The following KCNB2 variants were observed in gnomAD, a reference collection of about 807,000 sequenced individuals.
KCNB2 encodes the protein potassium voltage-gated channel subfamily B member 2.
KCNB2 carries 15 observed loss-of-function variants against 61.5 expected under a neutral mutation model. The ratio of observed to expected loss-of-function variants is 0.24; its 90% CI spans 0.16 to 0.38. KCNB2 has a LOEUF of 0.38. Among genes scored for constraint, KCNB2 ranks in the 10% least tolerant of loss-of-function variants. The pLI is 1.00. For missense variants in KCNB2, 828 were observed against 1,125.2 expected (o/e 0.74, Z 3.78); for synonymous variants, 457 against 446.0 (o/e 1.02, Z -0.31).
At chr8:72,916,907 C>G (rs1237290359) in intron 2 of KCNB2, among the ~76,000 whole-genome samples, 1 of 152,194 alleles carries the variant, frequency 6.6e-6, no homozygotes, top group Non-Finnish European at 1.5e-5. Context: ...CTTCTCCTCT[C>G]TCTGTCAGCT....
At chr8:72,584,537 A>G (rs1178726508) in intron 2 of KCNB2, among the ~76,000 whole-genome samples, 2 of 152,194 alleles carry the variant, frequency 1.3e-5, no homozygotes, top group Admixed American at 1.3e-4. Flanking sequence ...AATAGCAGTC[A>G]TGATTTATAG....
intron 2 of KCNB2, among the ~76,000 whole-genome samples, chr8:72,597,110 G>A (rs1014045595): frequency 2.9e-5 from 4 of 139,288 alleles, no homozygotes; most frequent in Admixed American, 7.8e-5. Flanking sequence ...TGCAACATTC[G>A]CCTCCTGGGT....
chr8:72,793,998 T>A (rs1216046560), intron 2 of KCNB2, among the ~76,000 whole-genome samples: 2 of 152,210 alleles, frequency 1.3e-5, no homozygotes, highest in Non-Finnish European at 2.9e-5. Flanking sequence ...GGAGTTTTGT[T>A]TTATGTATAA....
At chr8:72,751,514 G>GAACCTTCT (rs1808187448) in intron 2 of KCNB2, 1 of 152,074 alleles carries the variant, frequency 6.6e-6, no homozygotes, top group African/African-American at 2.4e-5. Flanking sequence ...TTCTTAACAG[G>GAACCTTCT]AACCTTCTGG....
intron 2 of KCNB2, among the ~76,000 whole-genome samples, chr8:72,911,953 T>A (rs996571683): frequency 1.3e-5 from 2 of 152,222 alleles, no homozygotes; most frequent in Non-Finnish European, 2.9e-5. Context: ...TTTCCCCTTC[T>A]ACAACCAAGG....
At chr8:72,553,549 A>G (rs534724194) in intron 1 of KCNB2, among the ~76,000 whole-genome samples, 57 of 152,292 alleles carry the variant, frequency 3.7e-4, no homozygotes, top group Non-Finnish European at 4.4e-5. Flanking sequence ...TTATCATTAA[A>G]TATTAACTTA....
chr8:72,827,554 G>C (rs966204380), intron 2 of KCNB2, among the ~76,000 whole-genome samples: 11 of 152,060 alleles, frequency 7.2e-5, no homozygotes, highest in Non-Finnish European at 1.3e-4. Flanking sequence ...CATTTACATA[G>C]TCATTTAACA....
chr8:72,674,681 G>A (rs897464907), intron 2 of KCNB2, among the ~76,000 whole-genome samples: 8 of 152,106 alleles, frequency 5.3e-5, no homozygotes, highest in Admixed American at 5.2e-4. Context: ...CTAGTATTTG[G>A]CATATTTTAA....
At chr8:72,695,063 C>T (rs931181137) in intron 2 of KCNB2, among the ~76,000 whole-genome samples, 18 of 151,964 alleles carry the variant, frequency 1.2e-4, no homozygotes, top group African/African-American at 4.1e-4. Context: ...CCTGTATTCC[C>T]TTACCTGTAA....
intron 2 of KCNB2, among the ~76,000 whole-genome samples, chr8:72,581,015 T>C (rs1806884266): frequency 6.6e-6 from 1 of 152,178 alleles, no homozygotes; most frequent in African/African-American, 2.4e-5. Flanking sequence ...CCATATGCCT[T>C]ACCACTTCTC....
In KCNB2 at chr8:72,761,705, A is replaced by G. The variant is rs568302684; in HGVS notation, c.580-174230A>G. 3.9e-5 allele frequency among the ~76,000 whole-genome samples: 6 copies of G among 152,336 alleles called. No individual in the cohort carries two copies. In the South Asian group the frequency reaches 1.0e-3, roughly 26 times the overall value. ...CTATTTGGAGCAACCTGATCTAAGC[A>G]ATGATTTTCTCTGCAGCAAATGAAT... On this transcript the variant is annotated intron_variant, in intron 2 of 2. Transcript: ENST00000523207.
At chr8:72,888,347 G>C (rs1321536771) in intron 2 of KCNB2, among the ~76,000 whole-genome samples, 1 of 152,116 alleles carries the variant, frequency 6.6e-6, no homozygotes, top group African/African-American at 2.4e-5. Flanking sequence ...CTGGGCTCAA[G>C]AGATCCACCC....
intron 2 of KCNB2, among the ~76,000 whole-genome samples, chr8:72,788,813 C>A (rs1808887549): frequency 6.6e-6 from 1 of 152,032 alleles, no homozygotes; most frequent in Non-Finnish European, 1.5e-5. Context: ...TATAGATGAG[C>A]CCATCATCTA....
At chr8:72,778,801 A>G (rs1210697270) in intron 2 of KCNB2, among the ~76,000 whole-genome samples, 1 of 150,980 alleles carries the variant, frequency 6.6e-6, no homozygotes, top group African/African-American at 2.4e-5. Flanking sequence ...AGAAAAAGAA[A>G]AAGAAAGAAT....
chr8:72,595,116 C>A (rs1411679427), intron 2 of KCNB2, among the ~76,000 whole-genome samples: 1 of 151,954 alleles, frequency 6.6e-6, no homozygotes, highest in Non-Finnish European at 1.5e-5. Context: ...CAACATCTTG[C>A]CATTAGCAAC....
intron 2 of KCNB2, among the ~76,000 whole-genome samples, chr8:72,673,911 A>G (rs1242975838): frequency 6.6e-6 from 1 of 152,218 alleles, no homozygotes; most frequent in Non-Finnish European, 1.5e-5. Flanking sequence ...AATGCCACTG[A>G]ACTGTACACC....
At chr8:72,565,347 A>T (rs1372239100) in intron 1 of KCNB2, among the ~76,000 whole-genome samples, 3 of 152,210 alleles carry the variant, frequency 2.0e-5, no homozygotes, top group African/African-American at 7.2e-5. Context: ...AGCCAGAGGC[A>T]TGCAGAAATT....
intron 2 of KCNB2, among the ~76,000 whole-genome samples, chr8:72,854,515 A>C (rs1216670252): frequency 6.6e-6 from 1 of 152,188 alleles, no homozygotes. Flanking sequence ...AGTGCAGAAC[A>C]CTGTGCCAAG....
chr8:72,733,810 G>A lies in KCNB2; in HGVS notation c.579+165497G>A, dbSNP rs992912839. 8.5e-5 allele frequency among the ~76,000 whole-genome samples: 13 copies of A among 152,076 alleles called. No individual in the cohort carries two copies. In the South Asian group the frequency reaches 2.7e-3, roughly 32 times the overall value. On this transcript the variant is annotated intron_variant, in intron 2 of 2. Transcript: ENST00000523207. Reference sequence around the variant, plus strand: ...CCGTTTGGTGTGGATGACTCGGAAGGCACCTGCTATGAGCACTGAATTCTT... The same window carrying A: ...CCGTTTGGTGTGGATGACTCGGAAGACACCTGCTATGAGCACTGAATTCTT...
Sources: gnomAD v4.1 joint callset for allele counts (sites outside exome capture counted in the v4.1 genomes callset) on GRCh38, gnomAD v4.1.1 for gene constraint, MANE v1.5 for transcripts, NCBI Gene and HGNC (gene_info 2026-07-23, HGNC 2026-07-21) for gene names.